Variants in AGMO observed in about 807,000 individuals in gnomAD.
The protein encoded by AGMO is glyceryl-ether monooxygenase.
AGMO carries 75 observed loss-of-function variants against 60.2 expected under a neutral mutation model. The ratio of observed to expected loss-of-function variants is 1.25; its 90% confidence interval spans 1.03 to 1.51. AGMO has a LOEUF of 1.51. AGMO is among the 40% of genes most tolerant of loss of function. AGMO has a pLI of 0.00. For synonymous variants in AGMO, 261 were observed against 177.1 expected (o/e 1.47, Z -3.76); for missense variants, 763 against 525.5 (o/e 1.45, Z -4.42).
At chr7:15,417,034 G>T (rs1346057950) in intron 5 of AGMO, among the ~76,000 whole-genome samples, 1 of 152,032 alleles carries the variant, frequency 6.6e-6, no homozygotes, top group Non-Finnish European at 1.5e-5. Context: ...TATAATAAAC[G>T]AATGTAACTA....
At position 15,313,834 on chromosome 7, in the gene AGMO, A is replaced by G. The variant is rs1257949753; in HGVS notation, c.1263+51680T>C. ...TAACTAATAATAACATAGTACAATT[A>G]TAGCAATGTTCTGTAATAAAAGTTA... On this transcript the variant is annotated intron_variant, in intron 12 of 12. Transcript: ENST00000342526. Among the ~76,000 whole-genome samples, 26 of 152,242 alleles carry G rather than the reference A, an allele frequency of 1.7e-4. No individual in the cohort carries two copies. In the South Asian group the frequency reaches 2.7e-3, roughly 16 times the overall value.
intron 3 of AGMO, among the ~76,000 whole-genome samples, chr7:15,480,285 G>A (rs1379880993): frequency 3.9e-5 from 6 of 152,152 alleles, no homozygotes; most frequent in African/African-American, 1.4e-4. Context: ...GTAGAGATAA[G>A]TTCTGTTAAG....
At chr7:15,188,395 T>A in the AGMO span, among the ~76,000 whole-genome samples, 52 of 152,350 alleles carry the variant, frequency 3.4e-4, no homozygotes, top group African/African-American at 1.3e-3. Context: ...ACATGGGAAG[T>A]ACTATGTAAG....
At chr7:15,454,880 C>T (rs1260840924) in intron 3 of AGMO, among the ~76,000 whole-genome samples, 1 of 152,104 alleles carries the variant, frequency 6.6e-6, no homozygotes, top group Admixed American at 6.6e-5. Flanking sequence ...CCAACCTTCC[C>T]TACCTCTGAT....
At chr7:15,233,038 C>T (rs1356699157) in intron 12 of AGMO, among the ~76,000 whole-genome samples, 1 of 151,956 alleles carries the variant, frequency 6.6e-6, no homozygotes, top group Non-Finnish European at 1.5e-5. Context: ...CCATGCATCC[C>T]ATTATAAAAT....
intron 2 of AGMO, among the ~76,000 whole-genome samples, chr7:15,554,919 T>C (rs1303327389): frequency 6.6e-6 from 1 of 151,884 alleles, no homozygotes; most frequent in African/African-American, 2.4e-5. Flanking sequence ...ATTTAAGGTA[T>C]GAGATAATTA....
intron 10 of AGMO, among the ~76,000 whole-genome samples, chr7:15,376,440 A>G (rs916382928): frequency 2.6e-4 from 40 of 152,078 alleles, no homozygotes; most frequent in Non-Finnish European, 4.0e-4. Flanking sequence ...ATTAGTTACA[A>G]AATTGTAGTG....
At chr7:15,559,164 T>C (rs1037115309) in intron 2 of AGMO, among the ~76,000 whole-genome samples, 1 of 152,262 alleles carries the variant, frequency 6.6e-6, no homozygotes, top group East Asian at 1.9e-4. Flanking sequence ...AATTTTATCA[T>C]CAACATAATG....
At chr7:15,373,480 A>G (rs1783311176) in intron 10 of AGMO, among the ~76,000 whole-genome samples, 1 of 152,158 alleles carries the variant, frequency 6.6e-6, no homozygotes, top group Non-Finnish European at 1.5e-5. Context: ...CATGTTACTT[A>G]ATCAATGAAT....
At chr7:15,361,455 G>C (rs1336616217) in intron 12 of AGMO, among the ~76,000 whole-genome samples, 1 of 149,702 alleles carries the variant, frequency 6.7e-6, no homozygotes, top group Admixed American at 6.7e-5. Context: ...TGGGAGAATG[G>C]CGTGAACCTG....
rs1563105592 is a variant in AGMO at position 15,354,441 on chromosome 7, CACACGTGT to C, written c.1263+11065_1263+11072del. On this transcript the variant is annotated intron_variant, in intron 12 of 12. Coordinates refer to ENST00000342526, the MANE Select transcript of AGMO (RefSeq NM_001004320.2). ...GTGTATACACACACGTGTGTGTATA[CACACGTGT>C]GTGTATACACACGTGTGTGTATACA... is the stretch of plus-strand genomic sequence containing the variant. 3.6e-3 allele frequency among the ~76,000 whole-genome samples: 54 copies of C among 14,960 alleles called. 4 individuals are homozygous for C. Among genetic ancestry groups the C allele is most frequent in the African/African-American group, 0.019 (49 of 2,644 alleles). 9.8% of individuals were successfully genotyped at this position (14,960 alleles called of 152,430 possible).
intron 2 of AGMO, among the ~76,000 whole-genome samples, chr7:15,559,456 C>G (rs1433648805): frequency 1.3e-5 from 2 of 152,064 alleles, no homozygotes; most frequent in African/African-American, 2.4e-5. Flanking sequence ...TATGCTTAGA[C>G]CTAATGAATG....
At chr7:15,462,190 A>C (rs1040157225) in intron 3 of AGMO, among the ~76,000 whole-genome samples, 1 of 152,158 alleles carries the variant, frequency 6.6e-6, no homozygotes, top group Non-Finnish European at 1.5e-5. Flanking sequence ...AGCTAATTTC[A>C]CTGCAGTTAT....
At chr7:15,181,614 A>AT in the AGMO span, among the ~76,000 whole-genome samples, 1 of 152,130 alleles carries the variant, frequency 6.6e-6, no homozygotes, top group South Asian at 2.1e-4. Flanking sequence ...TGTAGGTTCA[A>AT]TATATTATAT....
chr7:15,453,771 T>A (rs1781918054), intron 3 of AGMO, among the ~76,000 whole-genome samples: 3 of 152,048 alleles, frequency 2.0e-5, no homozygotes, highest in Admixed American at 2.0e-4. Context: ...AGGTGAAGGG[T>A]CTGCCAACAG....
intron 5 of AGMO, among the ~76,000 whole-genome samples, chr7:15,399,572 A>G (rs1784500960): frequency 2.0e-5 from 3 of 152,218 alleles, no homozygotes; most frequent in Admixed American, 2.0e-4. Context: ...ATATATAAAT[A>G]ATACAAATAA....
the AGMO span, among the ~76,000 whole-genome samples, chr7:15,147,338 T>C: frequency 1.2e-4 from 19 of 152,192 alleles, no homozygotes; most frequent in African/African-American, 4.3e-4. Flanking sequence ...CAGTTCTAGA[T>C]AGCTGGAGAG....
At chr7:15,411,498 C>G (rs1025568820) in intron 5 of AGMO, among the ~76,000 whole-genome samples, 1 of 151,856 alleles carries the variant, frequency 6.6e-6, no homozygotes, top group African/African-American at 2.4e-5. Flanking sequence ...AAATGATTTA[C>G]TTATTTGTAA....
intron 5 of AGMO, among the ~76,000 whole-genome samples, chr7:15,403,256 T>C (rs1258989755): frequency 6.6e-6 from 1 of 151,880 alleles, no homozygotes; most frequent in African/African-American, 2.4e-5. Flanking sequence ...TTTTATTTAG[T>C]TTCCTGTAGT....
Sources: allele counts gnomAD v4.1 joint callset (sites outside exome capture counted in the v4.1 genomes callset), GRCh38; gene constraint gnomAD v4.1.1; transcripts MANE v1.5; gene names NCBI Gene and HGNC (gene_info 2026-07-23, HGNC 2026-07-21).